Variants in NBAS observed in about 807,000 individuals in gnomAD.
The protein encoded by NBAS is NBAS subunit of NRZ tethering complex.
NBAS carries 219 observed loss-of-function variants against 302.5 expected under a neutral mutation model. That is an observed-to-expected ratio of 0.72 (90% CI 0.65 to 0.81). The LOEUF (loss-of-function observed/expected upper bound fraction) is 0.81. Ranked by LOEUF, NBAS falls within the 30% of genes least tolerant of loss-of-function variation. The probability of loss-of-function intolerance (pLI) is 0.00; values close to 1 mark genes in which losing one functional copy is unlikely to be tolerated. For synonymous variants in NBAS, 1,118 were observed against 1,021.6 expected (o/e 1.09, Z -1.80); for missense variants, 2,932 against 2,841.6 (o/e 1.03, Z -0.72).
chr2:15,412,130 T>C (rs1241129731), intron 25 of NBAS, among the ~76,000 whole-genome samples: 1 of 152,112 alleles, frequency 6.6e-6, no homozygotes, highest in Non-Finnish European at 1.5e-5. Flanking sequence ...TAAAGATCCA[T>C]TTCTTTATCA....
chr2:15,443,893 C>T (rs1354726659), intron 21 of NBAS, among the ~76,000 whole-genome samples: 2 of 152,132 alleles, frequency 1.3e-5, no homozygotes, highest in Non-Finnish European at 2.9e-5. Context: ...TGAGAGAACT[C>T]CCATTCACAA....
At chr2:14,909,366 T>TAAAAAAAA in the NBAS span, among the ~76,000 whole-genome samples, 613 of 78,398 alleles carry the variant, frequency 7.8e-3, 53 homozygotes, top group African/African-American at 0.03. Flanking sequence ...GGAGAGTTTC[T>TAAAAAAAA]AAAAAAAAAA....
the NBAS span, among the ~76,000 whole-genome samples, chr2:14,845,547 C>T: frequency 6.6e-6 from 1 of 152,136 alleles, no homozygotes; most frequent in Admixed American, 6.5e-5. Context: ...ATGACATCAC[C>T]AAATGAACTA....
At chr2:14,787,551 T>G in the NBAS span, among the ~76,000 whole-genome samples, 1 of 152,224 alleles carries the variant, frequency 6.6e-6, no homozygotes, top group Non-Finnish European at 1.5e-5. Context: ...TGCTTGCCTG[T>G]AAAGTATTTT....
intron 35 of NBAS, among the ~76,000 whole-genome samples, chr2:15,345,102 C>T (rs768655973): frequency 5.3e-5 from 8 of 152,286 alleles, no homozygotes; most frequent in Non-Finnish European, 7.4e-5. Context: ...TGGTACAAGA[C>T]AAGGATGCCC....
chr2:15,090,767 C>G, the NBAS span, among the ~76,000 whole-genome samples: 1 of 152,174 alleles, frequency 6.6e-6, no homozygotes, highest in African/African-American at 2.4e-5. Flanking sequence ...CCATAGGAAG[C>G]AAGAGGTCTT....
At chr2:15,080,545 C>T in the NBAS span, among the ~76,000 whole-genome samples, 1 of 152,220 alleles carries the variant, frequency 6.6e-6, no homozygotes. Context: ...AAAAAACAAC[C>T]ATTTGACTAT....
At chr2:15,275,869 T>C (rs565590202) in intron 43 of NBAS, 51 bp from the exon 44 acceptor site, 19 of 1,521,364 alleles carry the variant, frequency 1.2e-5, no homozygotes, top group Admixed American at 8.4e-5. Context: ...AATGTAAACA[T>C]AGAGTCACTT....
chr2:14,934,410 G>C, the NBAS span, among the ~76,000 whole-genome samples: 1 of 151,876 alleles, frequency 6.6e-6, no homozygotes, highest in Admixed American at 6.6e-5. Context: ...ACTACATTAA[G>C]TATTACTTAT....
the NBAS span, among the ~76,000 whole-genome samples, chr2:15,033,984 G>GGAAGAAGAAGAAGAAGAA: frequency 0.035 from 1,949 of 56,286 alleles, 106 homozygotes; most frequent in Middle Eastern, 0.069. Context: ...AAGAGGAAGA[G>GGAAGAAGAAGAAGAAGAA]GAAGAAGAAG....
At chr2:14,902,650 C>T in the NBAS span, among the ~76,000 whole-genome samples, 1 of 152,234 alleles carries the variant, frequency 6.6e-6, no homozygotes, top group South Asian at 2.1e-4. Context: ...GCAATGAGAC[C>T]TATTCCCTGA....
intron 23 of NBAS, among the ~76,000 whole-genome samples, chr2:15,421,323 C>T (rs1316911681): frequency 1.3e-5 from 2 of 152,132 alleles, no homozygotes; most frequent in African/African-American, 4.8e-5. Context: ...GAATCTGTTG[C>T]CTTCCCAAAT....
chr2:15,445,494 G>T (rs1678682565), intron 21 of NBAS, among the ~76,000 whole-genome samples: 1 of 128,540 alleles, frequency 7.8e-6, no homozygotes, highest in African/African-American at 2.9e-5. Context: ...ATCACACTCT[G>T]GGGACTGTTG....
the NBAS span, among the ~76,000 whole-genome samples, chr2:14,833,422 A>C: frequency 2.6e-5 from 4 of 152,196 alleles, no homozygotes; most frequent in Non-Finnish European, 5.9e-5. Flanking sequence ...AGACTCATCT[A>C]GAAATATTTC....
intron 47 of NBAS, among the ~76,000 whole-genome samples, chr2:15,231,493 C>T (rs556715939): frequency 2.6e-5 from 4 of 152,304 alleles, no homozygotes; most frequent in South Asian, 2.1e-4. Flanking sequence ...GGCAAGTCAA[C>T]TCCTCTCTCT....
chr2:15,394,755 A>T (rs1675786318), intron 27 of NBAS, among the ~76,000 whole-genome samples: 1 of 152,110 alleles, frequency 6.6e-6, no homozygotes, highest in Non-Finnish European at 1.5e-5. Context: ...ATAAACCAAG[A>T]ATGTTAGAGT....
the NBAS span, among the ~76,000 whole-genome samples, chr2:15,061,581 T>C: frequency 6.6e-6 from 1 of 152,162 alleles, no homozygotes; most frequent in African/African-American, 2.4e-5. Flanking sequence ...TACATGGTGG[T>C]TGGGGTACTA....
chr2:15,315,868 A>G (rs1302996673), intron 38 of NBAS, among the ~76,000 whole-genome samples: 2 of 152,080 alleles, frequency 1.3e-5, no homozygotes. Flanking sequence ...ATGAGTCTCC[A>G]CTCTACCTCT....
At chr2:14,868,834 T>C in the NBAS span, among the ~76,000 whole-genome samples, 1 of 152,186 alleles carries the variant, frequency 6.6e-6, no homozygotes, top group South Asian at 2.1e-4. Flanking sequence ...AAAAGACACT[T>C]TGCCTTACAG....
Sources: allele counts gnomAD v4.1 joint callset (sites outside exome capture counted in the v4.1 genomes callset), GRCh38; gene constraint gnomAD v4.1.1; transcripts MANE v1.5; gene names NCBI Gene and HGNC (gene_info 2026-07-23, HGNC 2026-07-21).